TBC1D9: variants seen among roughly 807,000 people sequenced by gnomAD.
TBC1D9 encodes TBC1 domain family member 9A.
A neutral mutation model predicts 132.0 loss-of-function variants in TBC1D9; 63 were observed. That is an observed-to-expected ratio of 0.48 (90% CI 0.39 to 0.59). The LOEUF (loss-of-function observed/expected upper bound fraction) is 0.59, where lower values mean the gene tolerates loss of function less well. Among genes scored for constraint, TBC1D9 ranks in the 20% least tolerant of loss-of-function variants. The pLI is 0.00. For synonymous variants in TBC1D9, 610 were observed against 609.9 expected (o/e 1.00, Z 0.00); for missense variants, 1,261 against 1,592.7 (o/e 0.79, Z 3.54).
chr4:140,676,162 T>C (rs1737619485), intron 6 of TBC1D9, among the ~76,000 whole-genome samples: 1 of 152,198 alleles, frequency 6.6e-6, no homozygotes, highest in South Asian at 2.1e-4. Flanking sequence ...GCGTAGCCCA[T>C]TTCTTCCCTT....
intron 1 of TBC1D9, among the ~76,000 whole-genome samples, chr4:140,751,479 C>A (rs1313155321): frequency 6.6e-6 from 1 of 152,220 alleles, no homozygotes; most frequent in South Asian, 2.1e-4. Flanking sequence ...AAAACTGTTA[C>A]ATTTCTAGAA....
chr4:140,661,172 C>T (rs992639137), intron 10 of TBC1D9, among the ~76,000 whole-genome samples: 1 of 152,152 alleles, frequency 6.6e-6, no homozygotes, highest in Non-Finnish European at 1.5e-5. Flanking sequence ...CCTTGGCTTA[C>T]CAAAGTGTTG....
intron 6 of TBC1D9, among the ~76,000 whole-genome samples, chr4:140,673,712 G>T (rs1476236480): frequency 6.6e-6 from 1 of 152,126 alleles, no homozygotes; most frequent in Non-Finnish European, 1.5e-5. Context: ...TGCTACCTCT[G>T]CAGACTGCCT....
chr4:140,633,070 C>T (rs1467804230), intron 16 of TBC1D9, among the ~76,000 whole-genome samples: 1 of 152,166 alleles, frequency 6.6e-6, no homozygotes, highest in Non-Finnish European at 1.5e-5. Flanking sequence ...CATCAGCTTC[C>T]TCTGGCCTTT....
intron 1 of TBC1D9, among the ~76,000 whole-genome samples, chr4:140,736,013 A>C (rs927045766): frequency 2.0e-4 from 30 of 152,230 alleles, no homozygotes; most frequent in African/African-American, 7.2e-4. Flanking sequence ...ACACACCCTG[A>C]AACTGGAATG....
chr4:140,710,418 T>C (rs952802010), intron 1 of TBC1D9, among the ~76,000 whole-genome samples: 3 of 152,178 alleles, frequency 2.0e-5, no homozygotes, highest in African/African-American at 4.8e-5. Context: ...GGGTCTTTGA[T>C]ATACATGTTC....
chr4:140,754,533 T>A (rs1224777465), intron 1 of TBC1D9, among the ~76,000 whole-genome samples: 1 of 137,542 alleles, frequency 7.3e-6, no homozygotes, highest in Non-Finnish European at 1.5e-5. Flanking sequence ...GAGAATCACT[T>A]GAACCCAGGA....
At chr4:140,739,473 C>T (rs1212435233) in intron 1 of TBC1D9, among the ~76,000 whole-genome samples, 48 of 152,048 alleles carry the variant, frequency 3.2e-4, no homozygotes, top group Non-Finnish European at 2.9e-5. Flanking sequence ...AGGGTTTCCT[C>T]AGGTAAATAC....
chr4:140,667,420 G>A (rs1737465025), intron 9 of TBC1D9, among the ~76,000 whole-genome samples: 1 of 152,186 alleles, frequency 6.6e-6, no homozygotes, highest in Admixed American at 6.5e-5. Context: ...GAACAAGGAG[G>A]ATGAAAATGG....
chr4:140,621,306 TTA>T lies in TBC1D9; in HGVS notation c.*887_*888del. The T allele has an allele frequency of 6.6e-6, 1 of 152,560 alleles. No individual in the cohort carries two copies. The highest frequency in any genetic ancestry group is 1.5e-5 in the Non-Finnish European group (1 of 68,028). 9.5% of individuals were successfully genotyped at this position (152,560 alleles called of 1,614,324 possible). A position where few individuals can be genotyped will look rare whatever the true frequency, so the allele number is the denominator to read the frequency against. On this transcript the variant is annotated 3_prime_UTR_variant, in exon 21 of 21. Coordinates refer to ENST00000442267, the MANE Select transcript of TBC1D9 (RefSeq NM_015130.3). ...GAAATGGTAAAGTTGACTGTTTTAC[TTA>T]TGTTTTTGCAGTAAGAAGCTAAACA... is the stretch of plus-strand genomic sequence containing the variant.
intron 20 of TBC1D9, 130 bp downstream of exon 20, chr4:140,623,986 A>G (rs1264799618): frequency 1.4e-6 from 1 of 713,932 alleles, no homozygotes; most frequent in Admixed American, 3.4e-5. Flanking sequence ...ATAGGTCCAA[A>G]TGGATACTAA....
chr4:140,731,693 A>ACC (rs34249525), intron 1 of TBC1D9, among the ~76,000 whole-genome samples: 255 of 150,986 alleles, frequency 1.7e-3, no homozygotes, highest in African/African-American at 4.4e-3. Context: ...ACACACACAC[A>ACC]CCCCAAACAT....
chr4:140,689,207 T>C (rs56001304), intron 2 of TBC1D9, among the ~76,000 whole-genome samples: 18,968 of 152,116 alleles, frequency 0.12, 1,357 homozygotes, highest in Non-Finnish European at 0.16. Context: ...TCAGCCAGGA[T>C]AATCTGGCTC....
intron 9 of TBC1D9, among the ~76,000 whole-genome samples, chr4:140,664,136 T>A (rs187347666): frequency 1.4e-4 from 21 of 151,826 alleles, no homozygotes; most frequent in African/African-American, 4.8e-4. Context: ...ATTATAGTAA[T>A]CATTTCACAA....
At chr4:140,649,414 A>C (rs1291632464) in intron 13 of TBC1D9, among the ~76,000 whole-genome samples, 1 of 152,252 alleles carries the variant, frequency 6.6e-6, no homozygotes, top group Non-Finnish European at 1.5e-5. Flanking sequence ...TGTTAGCAGA[A>C]GGCTGAGCAC....
chr4:140,633,501 AG>A (rs1443372095), intron 16 of TBC1D9, among the ~76,000 whole-genome samples: 1 of 152,216 alleles, frequency 6.6e-6, no homozygotes, highest in Admixed American at 6.5e-5. Flanking sequence ...TTTAGGCCGC[AG>A]GGCTGCTGTG....
At chr4:140,643,321 C>G (rs1737041016) in intron 13 of TBC1D9, 1 of 1,336,974 alleles carries the variant, frequency 7.5e-7, no homozygotes. Context: ...CTCTCGGCAG[C>G]TTCCTGCTTC....
intron 8 of TBC1D9, 150 bp from the exon 9 acceptor site, chr4:140,669,217 T>G (rs550860163): frequency 1.3e-6 from 1 of 790,796 alleles, no homozygotes; most frequent in African/African-American, 1.7e-5. Context: ...TTTCTGGAGT[T>G]CTTCTCTAGT....
intron 13 of TBC1D9, among the ~76,000 whole-genome samples, chr4:140,649,978 A>G (rs924530939): frequency 5.3e-5 from 8 of 152,338 alleles, no homozygotes; most frequent in Admixed American, 6.5e-5. Context: ...ATATCATTTA[A>G]TATTTTATGC....
Sources: gnomAD v4.1 joint callset for allele counts (sites outside exome capture counted in the v4.1 genomes callset) on GRCh38, gnomAD v4.1.1 for gene constraint, MANE v1.5 for transcripts, NCBI Gene and HGNC (gene_info 2026-07-23, HGNC 2026-07-21) for gene names.